Variants in FHIT observed in about 807,000 individuals in gnomAD.
FHIT encodes fragile histidine triad diadenosine triphosphatase.
A neutral mutation model predicts 17.9 loss-of-function variants in FHIT; 19 were observed. That is an observed-to-expected ratio of 1.06 (90% CI 0.74 to 1.56). FHIT has a LOEUF of 1.56. Among genes scored for constraint, FHIT ranks in the 40% most tolerant of loss-of-function variants. FHIT has a pLI of 0.00. For synonymous variants in FHIT, 81 were observed against 69.7 expected, an observed-to-expected ratio of 1.16 and a Z score of -0.81; for missense variants, 248 against 189.2, an observed-to-expected ratio of 1.31 and a Z score of -1.82.
intron 4 of FHIT, among the ~76,000 whole-genome samples, chr3:60,697,404 T>A (rs1357467822): frequency 2.0e-5 from 3 of 152,170 alleles, no homozygotes; most frequent in African/African-American, 7.2e-5. Context: ...TGTTCATACA[T>A]GTCATATGCA....
chr3:60,501,169 A>G (rs2034510586), intron 5 of FHIT, among the ~76,000 whole-genome samples: 1 of 152,204 alleles, frequency 6.6e-6, no homozygotes, highest in Non-Finnish European at 1.5e-5. Context: ...ATTCTGTAAA[A>G]TAGGCTGAGA....
intron 1 of FHIT, among the ~76,000 whole-genome samples, chr3:61,201,944 G>A (rs2039026697): frequency 6.7e-6 from 1 of 149,712 alleles, no homozygotes; most frequent in Admixed American, 6.6e-5. Context: ...ATATATGTGT[G>A]TGTATGTGTG....
intron 2 of FHIT, among the ~76,000 whole-genome samples, chr3:61,132,505 T>C (rs1394710166): frequency 5.9e-5 from 9 of 152,176 alleles, no homozygotes; most frequent in South Asian, 4.1e-4. Context: ...GGGAGCTCTA[T>C]GAGAGAAACA....
At chr3:59,759,722 C>T (rs1381812145) in intron 8 of FHIT, among the ~76,000 whole-genome samples, 3 of 152,096 alleles carry the variant, frequency 2.0e-5, no homozygotes, top group African/African-American at 7.2e-5. Flanking sequence ...CCTTTCAGTA[C>T]ATGTTTCCTG....
intron 4 of FHIT, among the ~76,000 whole-genome samples, chr3:60,591,658 A>G (rs1553664330): frequency 6.6e-6 from 1 of 152,106 alleles, no homozygotes; most frequent in African/African-American, 2.4e-5. Flanking sequence ...GCTCTTCCAT[A>G]TGTTACACTA....
intron 8 of FHIT, among the ~76,000 whole-genome samples, chr3:59,843,702 T>C (rs1419628609): frequency 6.6e-6 from 1 of 152,186 alleles, no homozygotes; most frequent in Middle Eastern, 3.2e-3. Flanking sequence ...TGGATAAAAA[T>C]GCAATGTATT....
At chr3:60,457,619 G>T (rs1357035035) in intron 5 of FHIT, among the ~76,000 whole-genome samples, 2 of 151,950 alleles carry the variant, frequency 1.3e-5, no homozygotes, top group Non-Finnish European at 2.9e-5. Context: ...CACAGCAAAA[G>T]AATCTACCAT....
At chr3:61,235,926 T>C (rs2040219895) in intron 1 of FHIT, among the ~76,000 whole-genome samples, 1 of 152,098 alleles carries the variant, frequency 6.6e-6, no homozygotes, top group Non-Finnish European at 1.5e-5. Context: ...TGACCAATAA[T>C]AAAATCATAG....
At chr3:60,436,691 G>T (rs1367401677) in intron 5 of FHIT, among the ~76,000 whole-genome samples, 1 of 151,996 alleles carries the variant, frequency 6.6e-6, no homozygotes, top group African/African-American at 2.4e-5. Context: ...GACAAAAAAC[G>T]CTGCCTTCAT....
intron 5 of FHIT, among the ~76,000 whole-genome samples, chr3:60,509,280 G>C (rs2034854497): frequency 6.6e-6 from 1 of 152,142 alleles, no homozygotes; most frequent in Non-Finnish European, 1.5e-5. Context: ...GATACCCAGA[G>C]CTGCCCCAAC....
intron 3 of FHIT, among the ~76,000 whole-genome samples, chr3:60,875,553 T>C (rs1396984529): frequency 1.3e-5 from 2 of 152,140 alleles, no homozygotes; most frequent in Non-Finnish European, 1.5e-5. Flanking sequence ...TTTTCACATA[T>C]CATGAAAGTT....
intron 5 of FHIT, among the ~76,000 whole-genome samples, chr3:60,470,689 T>G (rs2033043207): frequency 6.6e-6 from 1 of 152,054 alleles, no homozygotes; most frequent in South Asian, 2.1e-4. Context: ...AGGAGCCCAC[T>G]TGATCCTCTG....
At chr3:60,351,865 AG>A (rs112393858) in intron 5 of FHIT, among the ~76,000 whole-genome samples, 21,529 of 152,170 alleles carry the variant, frequency 0.14, 1,606 homozygotes, top group Non-Finnish European at 0.16. Context: ...TCTCAGTCCT[AG>A]ACCTGGCTAA....
intron 5 of FHIT, among the ~76,000 whole-genome samples, chr3:60,461,341 T>C (rs2032450654): frequency 6.6e-6 from 1 of 152,180 alleles, no homozygotes. Context: ...TAAACAAATC[T>C]GCCTCTTGGG....
intron 5 of FHIT, among the ~76,000 whole-genome samples, chr3:60,248,509 G>A (rs1193413236): frequency 6.6e-6 from 1 of 152,096 alleles, no homozygotes; most frequent in Non-Finnish European, 1.5e-5. Flanking sequence ...GGCAGGTAAA[G>A]GACACAGCAC....
chr3:60,899,432 C>G (rs1705989384), intron 3 of FHIT, among the ~76,000 whole-genome samples: 1 of 152,204 alleles, frequency 6.6e-6, no homozygotes, highest in Non-Finnish European at 1.5e-5. Context: ...GCAACGCCTA[C>G]ATAAGCTTTA....
At chr3:60,188,705 T>C (rs924762004) in intron 5 of FHIT, among the ~76,000 whole-genome samples, 2 of 152,290 alleles carry the variant, frequency 1.3e-5, no homozygotes, top group Admixed American at 6.5e-5. Flanking sequence ...ATGACAAACA[T>C]TGAATCTATT....
At chr3:60,130,156 T>C (rs1057459579) in intron 5 of FHIT, among the ~76,000 whole-genome samples, 3 of 152,106 alleles carry the variant, frequency 2.0e-5, no homozygotes, top group Admixed American at 1.3e-4. Context: ...TCATTAAAGG[T>C]GCAAAGGGAA....
intron 5 of FHIT, among the ~76,000 whole-genome samples, chr3:60,232,843 G>C (rs1704568726): frequency 6.6e-6 from 1 of 152,188 alleles, no homozygotes; most frequent in Admixed American, 6.5e-5. Context: ...TGCAAATGTA[G>C]TAATATCACT....
Sources: allele counts gnomAD v4.1 joint callset (sites outside exome capture counted in the v4.1 genomes callset), GRCh38; gene constraint gnomAD v4.1.1; transcripts MANE v1.5; gene names NCBI Gene and HGNC (gene_info 2026-07-23, HGNC 2026-07-21).